OR52J3: variants seen among roughly 807,000 people sequenced by gnomAD.
OR52J3 encodes olfactory receptor family 52 subfamily J member 3.
For missense variants in OR52J3, 450 were observed against 392.3 expected, an observed-to-expected ratio of 1.15 and a Z score of -1.24; for synonymous variants, 159 against 142.9, an observed-to-expected ratio of 1.11 and a Z score of -0.80.
rs536364785 is a variant in OR52J3 at position 5,046,868 on chromosome 11, G to A, written c.343G>A (p.Glu115Lys). Reference protein sequence around the residue: ...LIHAFTGMEAEVLLAMAFDRY... With the variant: ...LIHAFTGMEAKVLLAMAFDRY... The stretch of plus-strand genomic sequence containing the variant: ...CCATGCCTTCACTGGCATGGAGGCT[G>A]AGGTCTTACTGGCTATGGCTTTTGA... The change falls in exon 1 of 1, where the codon GAG becomes AAG. Residue 115 changes from glutamate to lysine, a missense_variant. Transcript: ENST00000380370. 2.4e-5 allele frequency: 39 copies of A among 1,613,928 alleles called. No homozygotes were observed. The South Asian group carries it at 3.5e-4, about 15-fold the overall frequency.
rs752899018 is a variant in OR52J3 at position 5,047,433 on chromosome 11, G to A, written c.908G>A (p.Arg303Gln). ...GTGAGGACCAAACAGATTCGAGAAC[G>A]AGTGCTCTATGTTTTTACTAAAAAA... ...YGVRTKQIRE[R>Q]VLYVFTKK The change falls in exon 1 of 1, where the codon CGA becomes CAA. Residue 303 changes from arginine to glutamine, a missense_variant. Coordinates refer to ENST00000380370, the MANE Select transcript of OR52J3 (RefSeq NM_001001916.2). The A allele has an allele frequency of 3.4e-5, 54 of 1,598,986 alleles. No individual in the cohort carries two copies. Among genetic ancestry groups the A allele is most frequent in the Non-Finnish European group, 4.1e-5 (48 of 1,176,852 alleles).
In OR52J3 at chr11:5,046,743, T is replaced by C; in HGVS notation, c.218T>C (p.Leu73Ser). 6.2e-7 allele frequency: 1 copy of C among 1,613,998 alleles called. No individual in the cohort carries two copies. Among genetic ancestry groups the C allele is most frequent in the Non-Finnish European group, 8.5e-7 (1 of 1,179,984 alleles). ...YFLAILSTID[L>S]ALSTTSVPRM... ...CTGGCCATTCTTTCCACTATTGATT[T>C]GGCCCTTTCTACAACCTCTGTGCCT... Residue 73 changes from leucine to serine, a missense_variant, in exon 1 of 1, where the codon TTG (leucine) becomes TCG (serine). Physicochemically the swap from Leu to Ser is moderately radical, Grantham distance 145. Coordinates refer to ENST00000380370, the MANE Select transcript of OR52J3 (RefSeq NM_001001916.2).
In OR52J3 at chr11:5,047,302, T is replaced by C; in HGVS notation, c.777T>C (p.Ser259=). The change falls in exon 1 of 1, where the codon TCT becomes TCC. Residue 259 remains serine (S), a synonymous_variant. Coordinates refer to ENST00000380370, the MANE Select transcript of OR52J3 (RefSeq NM_001001916.2). ...ICVFYIPSVF[S]FLTHRFGHQI... ...TTTTCTATATCCCTTCAGTCTTCTC[T>C]TTCCTTACTCATCGATTTGGACACC... 1 of 1,613,212 alleles carries C rather than the reference T, an allele frequency of 6.2e-7. No individual in the cohort carries two copies. Among genetic ancestry groups the C allele is most frequent in the East Asian group, 2.2e-5 (1 of 44,826 alleles).
In OR52J3 at chr11:5,046,735, T is replaced by A. The variant is rs1236429056; in HGVS notation, c.210T>A (p.Thr70=). ...TCTACTTCCTGGCCATTCTTTCCAC[T>A]ATTGATTTGGCCCTTTCTACAACCT... ...PMFYFLAILS[T]IDLALSTTSV... The change falls in exon 1 of 1, where the codon ACT becomes ACA. Residue 70 remains threonine (T), a synonymous_variant. Transcript: ENST00000380370. 6.2e-7 allele frequency: 1 copy of A among 1,613,960 alleles called. No homozygotes were observed. The highest frequency in any genetic ancestry group is 2.2e-5 in the East Asian group (1 of 44,850).
Position 5,047,381 on chromosome 11 carries a change from C to T in OR52J3, c.856C>T (p.Pro286Ser). Residue 286 changes from proline to serine, a missense_variant, in exon 1 of 1, where the codon CCC becomes TCC. Coordinates refer to ENST00000380370, the MANE Select transcript of OR52J3 (RefSeq NM_001001916.2). Reference sequence around the variant, plus strand: ...TGCCAATCTCTATTTGATTATCCCACCCTCTCTCAACCCCATCATTTATGG... The same window carrying T: ...TGCCAATCTCTATTTGATTATCCCATCCTCTCTCAACCCCATCATTTATGG... ...LVANLYLIIP[P>S]SLNPIIYGVR... 1 of 1,612,162 alleles carries T rather than the reference C, an allele frequency of 6.2e-7. No homozygotes were observed. Among genetic ancestry groups the T allele is most frequent in the Non-Finnish European group, 8.5e-7 (1 of 1,179,780 alleles).
Position 5,047,151 on chromosome 11 carries a change from T to C in OR52J3, c.626T>C (p.Val209Ala), listed in dbSNP as rs1847561907. The change falls in exon 1 of 1, where the codon GTT becomes GCT. Residue 209 changes from valine (V) to alanine (A), a missense_variant. By Grantham distance (64) the Val-to-Ala change is moderately conservative. Transcript: ENST00000380370. ...IYGLFVVSFF[V>A]LNLVLIGISY... Reference sequence around the variant, plus strand: ...GGGCTTTTTGTAGTTTCTTTCTTTGTTCTGAACCTGGTGCTCATTGGCATC... The same window carrying C: ...GGGCTTTTTGTAGTTTCTTTCTTTGCTCTGAACCTGGTGCTCATTGGCATC... 1.2e-6 allele frequency: 2 copies of C among 1,611,994 alleles called. No homozygotes were observed. Among genetic ancestry groups the C allele is most frequent in the Admixed American group, 1.7e-5 (1 of 59,616 alleles).
Position 5,046,717 on chromosome 11 carries a change from C to T in OR52J3, c.192C>T (p.Phe64=), listed in dbSNP as rs933975345. 3.7e-6 allele frequency: 6 copies of T among 1,614,002 alleles called. No homozygotes were observed. Among genetic ancestry groups the T allele is most frequent in the Non-Finnish European group, 5.1e-6 (6 of 1,179,962 alleles). ...EQTLREPMFY[F]LAILSTIDLA... The stretch of plus-strand genomic sequence containing the variant: ...CTCTCCGGGAGCCCATGTTCTACTT[C>T]CTGGCCATTCTTTCCACTATTGATT... Residue 64 remains phenylalanine (F), a synonymous_variant, in exon 1 of 1, where the codon TTC becomes TTT. Coordinates refer to ENST00000380370, the MANE Select transcript of OR52J3 (RefSeq NM_001001916.2).
At position 5,046,954 on chromosome 11, in the gene OR52J3, G is replaced by A. The variant is rs1847558437; in HGVS notation, c.429G>A (p.Leu143=). The A allele has an allele frequency of 6.2e-7, 1 of 1,613,510 alleles. No individual in the cohort carries two copies. The highest frequency in any genetic ancestry group is 8.5e-7 in the Non-Finnish European group (1 of 1,179,946). ...HYATILTSQV[L]VGISMCIVIR... is the part of the protein sequence containing the mutation. ...CAACCATCTTGACATCCCAAGTGTTGGTGGGCATTAGCATGTGCATTGTAA... is the reference window on the plus strand; with the variant it reads ...CAACCATCTTGACATCCCAAGTGTTAGTGGGCATTAGCATGTGCATTGTAA... The change falls in exon 1 of 1, where the codon TTG becomes TTA. Residue 143 remains leucine (L), a synonymous_variant. Coordinates refer to ENST00000380370, the MANE Select transcript of OR52J3 (RefSeq NM_001001916.2).
At position 5,046,947 on chromosome 11, in the gene OR52J3, A is replaced by T. The variant is rs2500018; in HGVS notation, c.422A>T (p.Gln141Leu). The change falls in exon 1 of 1, where the codon CAA (glutamine) becomes CTA (leucine). Residue 141 changes from glutamine to leucine, a missense_variant. Coordinates refer to ENST00000380370, the MANE Select transcript of OR52J3 (RefSeq NM_001001916.2). ...PLHYATILTS[Q>L]VLVGISMCIV... is the part of the protein sequence containing the mutation. ...CATTACGCAACCATCTTGACATCCCAAGTGTTGGTGGGCATTAGCATGTGC... is the reference window on the plus strand; with the variant it reads ...CATTACGCAACCATCTTGACATCCCTAGTGTTGGTGGGCATTAGCATGTGC... The T allele has an allele frequency of 0.5, 806,318 of 1,612,800 alleles. 203,674 individuals carry two copies. Among genetic ancestry groups the T allele is most frequent in the African/African-American group, 0.57 (42,439 of 74,728 alleles).
Position 5,047,183 on chromosome 11 carries a change from G to A in OR52J3, c.658G>A (p.Val220Ile), listed in dbSNP as rs372513662. ...LNLVLIGISYVYILRAVFRLP... is the reference protein window; with the variant it reads ...LNLVLIGISYIYILRAVFRLP... ...CCTGGTGCTCATTGGCATCTCGTATGTTTACATTCTCCGTGCTGTCTTCCG... is the reference window on the plus strand; with the variant it reads ...CCTGGTGCTCATTGGCATCTCGTATATTTACATTCTCCGTGCTGTCTTCCG... Residue 220 changes from valine (V) to isoleucine (I), a missense_variant, in exon 1 of 1, where the codon GTT (valine) becomes ATT (isoleucine). Val to Ile is a conservative substitution (Grantham distance 29, BLOSUM62 3). Coordinates refer to ENST00000380370, the MANE Select transcript of OR52J3 (RefSeq NM_001001916.2). 4 of 1,610,838 alleles carry A rather than the reference G, an allele frequency of 2.5e-6. No homozygotes were observed. The highest frequency in any genetic ancestry group is 3.4e-6 in the Non-Finnish European group (4 of 1,179,438).
chr11:5,047,196 G>T lies in OR52J3; in HGVS notation c.671G>T (p.Arg224Leu). ...LIGISYVYIL[R>L]AVFRLPSHDA... Reference sequence around the variant, plus strand: ...GGCATCTCGTATGTTTACATTCTCCGTGCTGTCTTCCGCCTCCCATCACAT... The same window carrying T: ...GGCATCTCGTATGTTTACATTCTCCTTGCTGTCTTCCGCCTCCCATCACAT... Residue 224 changes from arginine (R) to leucine (L), a missense_variant, in exon 1 of 1, where the codon CGT (arginine) becomes CTT (leucine). Coordinates refer to ENST00000380370, the MANE Select transcript of OR52J3 (RefSeq NM_001001916.2). 6.2e-7 allele frequency: 1 copy of T among 1,610,450 alleles called. No homozygotes were observed. The highest frequency in any genetic ancestry group is 8.5e-7 in the Non-Finnish European group (1 of 1,179,282).
chr11:5,047,328 A>T lies in OR52J3; in HGVS notation c.803A>T (p.Gln268Leu). The T allele has an allele frequency of 6.2e-7, 1 of 1,613,178 alleles. No homozygotes were observed. Among genetic ancestry groups the T allele is most frequent in the Non-Finnish European group, 8.5e-7 (1 of 1,179,826 alleles). Residue 268 changes from glutamine to leucine, a missense_variant, in exon 1 of 1, where the codon CAA (glutamine) becomes CTA (leucine). Transcript: ENST00000380370. ...TTCCTTACTCATCGATTTGGACACC[A>T]AATACCAGGTTACATTCACATTCTT... ...FSFLTHRFGH[Q>L]IPGYIHILVA...
rs2500019 is a variant in OR52J3, at chr11:5,047,431, A to G, written c.906A>G (p.Glu302=). 798,651 of 1,598,542 alleles carry G rather than the reference A, an allele frequency of 0.5. 201,837 individuals carry two copies. The highest frequency in any genetic ancestry group is 0.57 in the African/African-American group (42,103 of 74,192). ...IYGVRTKQIR[E]RVLYVFTKK The stretch of plus-strand genomic sequence containing the variant: ...GGGTGAGGACCAAACAGATTCGAGA[A>G]CGAGTGCTCTATGTTTTTACTAAAA... The change falls in exon 1 of 1, where the codon GAA becomes GAG. Residue 302 remains glutamate (E), a synonymous_variant. Transcript: ENST00000380370.
Position 5,046,983 on chromosome 11 carries a change from GTCCCGTTTTACTTACACT to G in OR52J3, c.463_480del (p.Val155_Pro160del). Reference sequence around the variant, plus strand: ...GGCATTAGCATGTGCATTGTAATTCGTCCCGTTTTACTTACACTTCCCATGGTCTATCTTATCTACCGC... The same window carrying G: ...GGCATTAGCATGTGCATTGTAATTCGTCCCATGGTCTATCTTATCTACCGC... On this transcript the variant is annotated inframe_deletion, in exon 1 of 1. Coordinates refer to ENST00000380370, the MANE Select transcript of OR52J3 (RefSeq NM_001001916.2). The G allele has an allele frequency of 6.2e-7, 1 of 1,613,578 alleles. No homozygotes were observed. Among genetic ancestry groups the G allele is most frequent in the Non-Finnish European group, 8.5e-7 (1 of 1,179,894 alleles).
At position 5,046,637 on chromosome 11, in the gene OR52J3, C is replaced by A; in HGVS notation, c.112C>A (p.Leu38Ile). 6.2e-7 allele frequency: 1 copy of A among 1,613,876 alleles called. No homozygotes were observed. The highest frequency in any genetic ancestry group is 1.1e-5 in the South Asian group (1 of 91,078). Residue 38 changes from leucine (L) to isoleucine (I), a missense_variant, in exon 1 of 1, where the codon CTT becomes ATT. Leu to Ile is a conservative substitution (Grantham distance 5, BLOSUM62 2). Coordinates refer to ENST00000380370, the MANE Select transcript of OR52J3 (RefSeq NM_001001916.2). Reference sequence around the variant, plus strand: ...CTCCGGGCCTTTCTGCTCTGTTTACCTTGTGGCTTTGCTGGGCAATGCCAC... The same window carrying A: ...CTCCGGGCCTTTCTGCTCTGTTTACATTGTGGCTTTGCTGGGCAATGCCAC... ...WISGPFCSVY[L>I]VALLGNATIL...
Position 5,046,679 on chromosome 11 carries a change from A to G in OR52J3, c.154A>G (p.Lys52Glu), listed in dbSNP as rs565418843. 5 of 1,613,864 alleles carry G rather than the reference A, an allele frequency of 3.1e-6. No individual in the cohort carries two copies. The Admixed American group carries it at 6.7e-5, about 22-fold the overall frequency. The part of the protein sequence containing the change: ...LGNATILLVI[K>E]VEQTLREPMF... ...CAATGCCACCATTCTGCTAGTCATC[A>G]AGGTAGAACAGACTCTCCGGGAGCC... The change falls in exon 1 of 1, where the codon AAG (lysine) becomes GAG (glutamate). Residue 52 changes from lysine to glutamate, a missense_variant. Physicochemically the swap from Lys to Glu is moderately conservative, Grantham distance 56. Coordinates refer to ENST00000380370, the MANE Select transcript of OR52J3 (RefSeq NM_001001916.2).
At position 5,046,808 on chromosome 11, in the gene OR52J3, A is replaced by G; in HGVS notation, c.283A>G (p.Asn95Asp). ...GIFWFDAHEINYGACVAQMFL... is the reference protein window; with the variant it reads ...GIFWFDAHEIDYGACVAQMFL... ...CTTCTGGTTTGATGCTCACGAGATT[A>G]ACTATGGAGCTTGTGTGGCCCAGAT... Residue 95 changes from asparagine to aspartate, a missense_variant, in exon 1 of 1, where the codon AAC (asparagine) becomes GAC (aspartate). By Grantham distance (23) the Asn-to-Asp change is conservative. Transcript: ENST00000380370. 1 of 1,613,944 alleles carries G rather than the reference A, an allele frequency of 6.2e-7. No homozygotes were observed. The highest frequency in any genetic ancestry group is 8.5e-7 in the Non-Finnish European group (1 of 1,179,980).
chr11:5,047,126 G>A lies in OR52J3; in HGVS notation c.601G>A (p.Gly201Arg). The A allele has an allele frequency of 6.2e-7, 1 of 1,612,432 alleles. No individual in the cohort carries two copies. Among genetic ancestry groups the A allele is most frequent in the Non-Finnish European group, 8.5e-7 (1 of 1,179,692 alleles). ...CGNIRINGIY[G>R]LFVVSFFVLN... ...AAACATTCGTATCAATGGTATCTAT[G>A]GGCTTTTTGTAGTTTCTTTCTTTGT... is the stretch of plus-strand genomic sequence containing the variant. The change falls in exon 1 of 1, where the codon GGG becomes AGG. Residue 201 changes from glycine (G) to arginine (R), a missense_variant. By Grantham distance (125) the Gly-to-Arg change is moderately radical. Coordinates refer to ENST00000380370, the MANE Select transcript of OR52J3 (RefSeq NM_001001916.2).
In OR52J3 at chr11:5,046,845, A is replaced by G. The variant is rs763660952; in HGVS notation, c.320A>G (p.His107Arg). The part of the protein sequence containing the change: ...GACVAQMFLI[H>R]AFTGMEAEVL... ...TGTGTGGCCCAGATGTTTCTGATCC[A>G]TGCCTTCACTGGCATGGAGGCTGAG... Residue 107 changes from histidine to arginine, a missense_variant, in exon 1 of 1, where the codon CAT (histidine) becomes CGT (arginine). Coordinates refer to ENST00000380370, the MANE Select transcript of OR52J3 (RefSeq NM_001001916.2). 2 of 1,613,894 alleles carry G rather than the reference A, an allele frequency of 1.2e-6. No homozygotes were observed. Among genetic ancestry groups the G allele is most frequent in the Non-Finnish European group, 1.7e-6 (2 of 1,179,962 alleles).
Sources: gnomAD v4.1 joint callset for allele counts on GRCh38, gnomAD v4.1.1 for gene constraint, MANE v1.5 for transcripts, NCBI Gene and HGNC (gene_info 2026-07-23, HGNC 2026-07-21) for gene names.